Variants in ABRAXAS2 observed in about 807,000 individuals in gnomAD.
ABRAXAS2 encodes BRISC complex subunit Abraxas 2.
In ABRAXAS2, 23 loss-of-function variants were observed where a neutral mutation model predicts 49.0. The ratio of observed to expected loss-of-function variants is 0.47; its 90% CI spans 0.34 to 0.66. The LOEUF (loss-of-function observed/expected upper bound fraction) is 0.66, where lower values mean the gene tolerates loss of function less well. Ranked by LOEUF, ABRAXAS2 falls within the 30% of genes least tolerant of loss-of-function variation. ABRAXAS2 has a pLI of 0.01. For missense variants in ABRAXAS2, 443 were observed against 511.9 expected (o/e 0.87, Z 1.30); for synonymous variants, 168 against 180.2 (o/e 0.93, Z 0.54).
chr10:124,811,797 C>T (rs557161750), intron 2 of ABRAXAS2, among the ~76,000 whole-genome samples: 12 of 152,090 alleles, frequency 7.9e-5, no homozygotes, highest in South Asian at 4.2e-4. Context: ...TTGTTTGAGA[C>T]GGAGTTTCGC....
chr10:124,817,026 G>A (rs1589805821), intron 3 of ABRAXAS2, among the ~76,000 whole-genome samples: 1 of 152,174 alleles, frequency 6.6e-6, no homozygotes, highest in Non-Finnish European at 1.5e-5. Context: ...GCAATATGTG[G>A]CAAGACTCCA....
intron 7 of ABRAXAS2, 48 bp from the exon 8 acceptor site, chr10:124,831,301 C>T (rs931796530): frequency 1.8e-6 from 2 of 1,117,404 alleles, no homozygotes; most frequent in Non-Finnish European, 2.7e-6. Context: ...TTATGGAATG[C>T]CTTGTGCTTG....
At position 124,834,628 on chromosome 10, in the gene ABRAXAS2, C is replaced by T. The variant is rs760164684; in HGVS notation, c.905C>T (p.Ser302Leu). ...AGTACACTTGGAGATGCAGAGGCCT[C>T]GGATCCTCCTCCCCCTTACTCTGAT... ...GRSTLGDAEA[S>L]DPPPPYSDFH... Residue 302 changes from serine to leucine, a missense_variant, in exon 9 of 9, where the codon TCG (serine) becomes TTG (leucine). This residue lies in a region of ABRAXAS2 where 230 missense variants were observed against 237.0 expected (regional missense o/e 0.97). Transcript: ENST00000298492. 28 of 1,613,968 alleles carry T rather than the reference C, an allele frequency of 1.7e-5. No individual in the cohort carries two copies. Among genetic ancestry groups the T allele is most frequent in the African/African-American group, 2.7e-5 (2 of 74,892 alleles).
chr10:124,803,126 G>C lies in ABRAXAS2; in HGVS notation c.72+1225G>C, dbSNP rs371774893. ...CTAGTGTCCATGGACTATTAAAAAT[G>C]GGTCCTTTATTTCTTGAATGCCTAC... On this transcript the variant is annotated intron_variant, in intron 1 of 8. Transcript: ENST00000298492. Among the ~76,000 whole-genome samples, 47 of 152,218 alleles carry C rather than the reference G, an allele frequency of 3.1e-4. No homozygotes were observed. In the South Asian group the frequency reaches 9.8e-3, roughly 32 times the overall value.
At chr10:124,829,223 T>G (rs1050118905) in intron 6 of ABRAXAS2, among the ~76,000 whole-genome samples, 170 bp from the exon 7 acceptor site, 1 of 152,212 alleles carries the variant, frequency 6.6e-6, no homozygotes, top group Admixed American at 6.5e-5. Context: ...TAACATGGGT[T>G]TTTTAAATTT....
At chr10:124,802,342 G>T (rs1950711250) in intron 1 of ABRAXAS2, among the ~76,000 whole-genome samples, 2 of 152,384 alleles carry the variant, frequency 1.3e-5, no homozygotes, top group East Asian at 3.9e-4. Flanking sequence ...GCAGGTTGTC[G>T]TGGGGGTGCT....
In ABRAXAS2 at chr10:124,809,257, G is replaced by A. The variant is rs1000894547; in HGVS notation, c.163+2336G>A. The stretch of plus-strand genomic sequence containing the variant: ...GCCTGTTCTGATAGGCTTCTAGTAT[G>A]TGGGGTAGGGGACAAGGGTGTTTTA... On this transcript the variant is annotated intron_variant, in intron 2 of 8. Transcript: ENST00000298492. Among the ~76,000 whole-genome samples the A allele has an allele frequency of 2.0e-5, 3 of 152,202 alleles. 1 individual carries two copies. The highest frequency in any genetic ancestry group is 4.4e-5 in the Non-Finnish European group (3 of 68,042).
chr10:124,818,404 A>C (rs148319947), intron 3 of ABRAXAS2, among the ~76,000 whole-genome samples: 4,391 of 151,930 alleles, frequency 0.029, 127 homozygotes, highest in African/African-American at 0.076. Flanking sequence ...TCAACAAAAA[A>C]AAAAAAAAAA....
intron 2 of ABRAXAS2, among the ~76,000 whole-genome samples, chr10:124,808,453 G>A (rs1055752992): frequency 6.6e-6 from 1 of 152,120 alleles, no homozygotes; most frequent in Non-Finnish European, 1.5e-5. Flanking sequence ...TGGGATTACA[G>A]GCGTGAGCCA....
rs201945744 is a variant in ABRAXAS2, at chr10:124,806,909, C to T, written c.151C>T (p.Leu51=). ...CTCACAAATCAGCAACACAGAATTT[C>T]TGCAAGTAATTGGTAAGTAAATTTC... ...SDSQISNTEF[L]QVIEIHNHQP... The change falls in exon 2 of 9, where the codon CTG becomes TTG. Residue 51 remains leucine (L), a synonymous_variant. Transcript: ENST00000298492. 284 of 1,607,426 alleles carry T rather than the reference C, an allele frequency of 1.8e-4. No homozygotes were observed. In the African/African-American group the frequency reaches 3.2e-3, roughly 18 times the overall value.
At chr10:124,824,943 T>G (rs150069519) in intron 4 of ABRAXAS2, among the ~76,000 whole-genome samples, 3 of 152,182 alleles carry the variant, frequency 2.0e-5, no homozygotes, top group Non-Finnish European at 4.4e-5. Context: ...TGTTGCCCAG[T>G]GGAAACAGGC....
At chr10:124,824,334 G>A (rs1298600478) in intron 4 of ABRAXAS2, among the ~76,000 whole-genome samples, 5 of 152,146 alleles carry the variant, frequency 3.3e-5, no homozygotes, top group African/African-American at 9.7e-5. Context: ...TCAGCAGTTC[G>A]AGACCAGCCT....
chr10:124,809,914 G>A (rs1355243150), intron 2 of ABRAXAS2, among the ~76,000 whole-genome samples: 2 of 151,534 alleles, frequency 1.3e-5, no homozygotes, highest in Non-Finnish European at 2.9e-5. Context: ...CACCATGCCC[G>A]GCTAATTTTT....
intron 4 of ABRAXAS2, among the ~76,000 whole-genome samples, chr10:124,825,179 G>A (rs772675137): frequency 6.6e-6 from 1 of 151,918 alleles, no homozygotes; most frequent in African/African-American, 2.4e-5. Flanking sequence ...TTAGCCAGGC[G>A]CGGTGGCACA....
At position 124,826,682 on chromosome 10, in the gene ABRAXAS2, A is replaced by G; in HGVS notation, c.355A>G (p.Ile119Val). Residue 119 changes from isoleucine (I) to valine (V), a missense_variant, in exon 5 of 9, where the codon ATC (isoleucine) becomes GTC (valine). By Grantham distance (29) the Ile-to-Val change is conservative (BLOSUM62 3). Around this residue, in one of 3 missense-constraint regions of ABRAXAS2, gnomAD observed 166 missense variants for 247.3 expected, o/e 0.67. Transcript: ENST00000298492. The part of the protein sequence containing the change: ...EQVLHKQLTR[I>V]LGVPDLVFLL... ...GGTTCTTCACAAGCAGCTCACCCGCATCCTCGGCGTGCCCGACCTCGTCTT... is the reference window on the plus strand; with the variant it reads ...GGTTCTTCACAAGCAGCTCACCCGCGTCCTCGGCGTGCCCGACCTCGTCTT... 6.2e-7 allele frequency: 1 copy of G among 1,614,190 alleles called. No homozygotes were observed.
At chr10:124,814,581 TC>T (rs1013822492) in intron 2 of ABRAXAS2, among the ~76,000 whole-genome samples, 1 of 152,062 alleles carries the variant, frequency 6.6e-6, no homozygotes, top group African/African-American at 2.4e-5. Context: ...CCTCAGGTGA[TC>T]CACCCGCCTT....
intron 3 of ABRAXAS2, among the ~76,000 whole-genome samples, 192 bp from the exon 4 acceptor site, chr10:124,819,192 G>C (rs1224951277): frequency 6.6e-6 from 1 of 152,156 alleles, no homozygotes; most frequent in Non-Finnish European, 1.5e-5. Context: ...GCAATCTCTT[G>C]AGTATTCGTC....
chr10:124,835,158 G>C lies in ABRAXAS2; in HGVS notation c.*187G>C. On this transcript the variant is annotated 3_prime_UTR_variant, in exon 9 of 9. Coordinates refer to ENST00000298492, the MANE Select transcript of ABRAXAS2 (RefSeq NM_032182.4). ...CTTTACCTTTGGATACAGTGTGCAA[G>C]TTTCATGACAGAATCATTAAGATAA... 1 of 504,934 alleles carries C rather than the reference G, an allele frequency of 2.0e-6. No individual in the cohort carries two copies. The highest frequency in any genetic ancestry group is 3.1e-5 in the East Asian group (1 of 31,820). 31.3% of individuals were successfully genotyped at this position (504,934 alleles called of 1,614,324 possible). A position where few individuals can be genotyped will look rare whatever the true frequency, so the allele number is the denominator to read the frequency against.
chr10:124,818,590 C>CT (rs1176371600), intron 3 of ABRAXAS2, among the ~76,000 whole-genome samples: 1 of 151,918 alleles, frequency 6.6e-6, no homozygotes, highest in East Asian at 1.9e-4. Flanking sequence ...AAGTCAGTGG[C>CT]TTTTTTTGTT....
Sources: allele counts gnomAD v4.1 joint callset (sites outside exome capture counted in the v4.1 genomes callset), GRCh38; gene constraint gnomAD v4.1.1; regional missense constraint gnomAD v4.1.1; transcripts MANE v1.5; gene names NCBI Gene and HGNC (gene_info 2026-07-23, HGNC 2026-07-21).